The following ADAMTS3 variants were observed in gnomAD, a reference collection of about 807,000 sequenced individuals.
The protein encoded by ADAMTS3 is A disintegrin and metalloproteinase with thrombospondin motifs 3.
A neutral mutation model predicts 129.0 loss-of-function variants in ADAMTS3; 73 were observed. The observed-to-expected ratio is 0.57, with a 90% confidence interval of 0.47 to 0.69. The LOEUF is 0.69. Among genes scored for constraint, ADAMTS3 ranks in the 30% least tolerant of loss-of-function variants. The probability of loss-of-function intolerance (pLI) is 0.00; values close to 1 mark genes in which losing one functional copy is unlikely to be tolerated. For synonymous variants in ADAMTS3, 477 were observed against 510.8 expected (o/e 0.93, Z 0.89); for missense variants, 1,457 against 1,514.5 (o/e 0.96, Z 0.63).
intron 3 of ADAMTS3, among the ~76,000 whole-genome samples, chr4:72,416,782 C>T (rs1162968031): frequency 2.0e-5 from 3 of 152,104 alleles, no homozygotes; most frequent in South Asian, 2.1e-4. Context: ...ATATTATGGT[C>T]ATATTATTTT....
chr4:72,359,718 ACT>A (rs901943346), intron 4 of ADAMTS3, among the ~76,000 whole-genome samples: 4 of 152,082 alleles, frequency 2.6e-5, no homozygotes, highest in African/African-American at 9.7e-5. Context: ...TCTATCAAGT[ACT>A]TAAAATGTTA....
chr4:72,551,111 T>C (rs1055620361), intron 2 of ADAMTS3, among the ~76,000 whole-genome samples: 2 of 152,130 alleles, frequency 1.3e-5, no homozygotes, highest in South Asian at 2.1e-4. Context: ...GTTATAGCTT[T>C]TTCTCTAACC....
intron 3 of ADAMTS3, among the ~76,000 whole-genome samples, chr4:72,482,980 A>G (rs1719479254): frequency 6.6e-6 from 1 of 152,196 alleles, no homozygotes. Context: ...CTATCAGCAA[A>G]CTAAAATTAG....
chr4:72,396,070 G>T (rs572292578), intron 4 of ADAMTS3, among the ~76,000 whole-genome samples: 1 of 152,236 alleles, frequency 6.6e-6, no homozygotes, highest in Admixed American at 6.5e-5. Context: ...ACTGGATAAG[G>T]GTTGTGAAAA....
chr4:72,382,390 G>A (rs2109880833), intron 4 of ADAMTS3, among the ~76,000 whole-genome samples: 1 of 151,344 alleles, frequency 6.6e-6, no homozygotes, highest in East Asian at 1.9e-4. Context: ...ATGATATTGA[G>A]TTCTGCTGGT....
At chr4:72,323,200 C>T (rs999373632) in intron 5 of ADAMTS3, 103 bp from the exon 6 acceptor site, 5 of 857,684 alleles carry the variant, frequency 5.8e-6, no homozygotes, top group Non-Finnish European at 9.5e-6. Flanking sequence ...GAGTAAATTG[C>T]TGTTTTTAAA....
chr4:72,290,758 TCA>T, intron 20 of ADAMTS3, 95 bp downstream of exon 20: 1 of 1,307,392 alleles, frequency 7.6e-7, no homozygotes, highest in Non-Finnish European at 1.1e-6. Context: ...GTTTCTCAGT[TCA>T]CACAAAGCCT....
rs116660499 is a variant in ADAMTS3 at position 72,448,298 on chromosome 4, T to C, written c.505-33327A>G. Among the ~76,000 whole-genome samples the C allele has an allele frequency of 1.1e-3, 167 of 151,914 alleles. 1 individual carries two copies. The highest frequency in any genetic ancestry group is 3.8e-3 in the African/African-American group (159 of 41,516). ...CAAGCATCTTTAAGATCTATATAAG[T>C]AGGCAGTGAGTTTGGAATTATATTC... is the stretch of plus-strand genomic sequence containing the variant. On this transcript the variant is annotated intron_variant, in intron 3 of 21. Transcript: ENST00000286657.
At chr4:72,442,096 T>C (rs556947767) in intron 3 of ADAMTS3, 1 of 151,926 alleles carries the variant, frequency 6.6e-6, no homozygotes, top group South Asian at 2.1e-4. Context: ...GTGACTTGAA[T>C]GGCTGAGGTC....
At chr4:72,439,193 A>T (rs1230883359) in intron 3 of ADAMTS3, among the ~76,000 whole-genome samples, 3 of 151,678 alleles carry the variant, frequency 2.0e-5, no homozygotes, top group Admixed American at 2.0e-4. Flanking sequence ...TTTATTTTTT[A>T]TTTTTAAAAA....
chr4:72,343,171 CTTA>C lies in ADAMTS3; in HGVS notation c.662-3481_662-3479del, dbSNP rs144368989. Among the ~76,000 whole-genome samples the C allele has an allele frequency of 5.5e-3, 834 of 152,244 alleles. 7 individuals carry two copies. Among genetic ancestry groups the C allele is most frequent in the African/African-American group, 0.019 (793 of 41,552 alleles). On this transcript the variant is annotated intron_variant, in intron 4 of 21. Coordinates refer to ENST00000286657, the MANE Select transcript of ADAMTS3 (RefSeq NM_014243.3). ...GGGAAGCTGGCCATCCCACCCTAAT[CTTA>C]TTATTCAAATGGGCTTTCCACCTGG...
chr4:72,414,720 G>T, intron 4 of ADAMTS3, 95 bp downstream of exon 4: 3 of 978,916 alleles, frequency 3.1e-6, no homozygotes, highest in Non-Finnish European at 4.2e-6. Context: ...TTATACAAGA[G>T]AACATGGCAA....
rs1560501311 is a variant in ADAMTS3, at chr4:72,399,827, GTGTGTATATATATA to G, written c.661+14974_661+14987del. On this transcript the variant is annotated intron_variant, in intron 4 of 21. Transcript: ENST00000286657. Reference sequence around the variant, plus strand: ...ATATACACACACGGTGTGTATATACGTGTGTATATATATACACACACGGTGTGTATATACGTGTG... The same window carrying G: ...ATATACACACACGGTGTGTATATACGCACACACGGTGTGTATATACGTGTG... 1.3e-4 allele frequency among the ~76,000 whole-genome samples: 6 copies of G among 46,926 alleles called. 1 individual carries two copies. The highest frequency in any genetic ancestry group is 1.7e-4 in the Non-Finnish European group (4 of 23,296). The allele number at this position is 46,926 out of a possible 152,430, so 30.8% of individuals were successfully genotyped here. A position where few individuals can be genotyped will look rare whatever the true frequency, so the allele number is the denominator to read the frequency against.
chr4:72,379,352 C>T (rs1454226482), intron 4 of ADAMTS3, among the ~76,000 whole-genome samples: 1 of 151,672 alleles, frequency 6.6e-6, no homozygotes, highest in Non-Finnish European at 1.5e-5. Context: ...TGAGACACAT[C>T]TCTTCTTGCA....
At chr4:72,287,082 G>A (rs2109766351) in intron 21 of ADAMTS3, among the ~76,000 whole-genome samples, 1 of 152,132 alleles carries the variant, frequency 6.6e-6, no homozygotes, top group East Asian at 1.9e-4. Context: ...TAGGCCATCA[G>A]GGTGGAGCGC....
At position 72,548,130 on chromosome 4, in the gene ADAMTS3, G is replaced by T. The variant is rs1290854246; in HGVS notation, c.504+348C>A. On this transcript the variant is annotated intron_variant, in intron 3 of 21. Coordinates refer to ENST00000286657, the MANE Select transcript of ADAMTS3 (RefSeq NM_014243.3). ...GGAGTAAAATACGGTCATTTTGAAG[G>T]AATCTATGCTTCTTTGGAAAGTTTT... Among the ~76,000 whole-genome samples, 7 of 151,998 alleles carry T rather than the reference G, an allele frequency of 4.6e-5. No individual in the cohort carries two copies. In the South Asian group the frequency reaches 1.5e-3, roughly 32 times the overall value.
intron 4 of ADAMTS3, among the ~76,000 whole-genome samples, chr4:72,367,339 A>G (rs1720893825): frequency 6.6e-6 from 1 of 152,126 alleles, no homozygotes; most frequent in South Asian, 2.1e-4. Flanking sequence ...GACATCTGCC[A>G]TCTTTTTAGA....
rs1425835971 is a variant in ADAMTS3, at chr4:72,460,381, T to C, written c.505-45410A>G. ...TCAAAAGCCACTAGCATTTCAAAAA[T>C]TGAAATAGGGAGGGAAGAATAAAAA... On this transcript the variant is annotated intron_variant, in intron 3 of 21. Transcript: ENST00000286657. Among the ~76,000 whole-genome samples the C allele has an allele frequency of 5.3e-5, 8 of 151,252 alleles. No homozygotes were observed. In the Admixed American group the frequency reaches 5.3e-4, roughly 10 times the overall value.
intron 3 of ADAMTS3, among the ~76,000 whole-genome samples, chr4:72,424,327 A>C (rs956086416): frequency 1.7e-4 from 26 of 152,112 alleles, no homozygotes; most frequent in African/African-American, 6.3e-4. Context: ...TTACCATTTC[A>C]GTTCCCTAAT....
Sources: allele counts gnomAD v4.1 joint callset (sites outside exome capture counted in the v4.1 genomes callset), GRCh38; gene constraint gnomAD v4.1.1; transcripts MANE v1.5; gene names NCBI Gene and HGNC (gene_info 2026-07-23, HGNC 2026-07-21).